RSPO2: variants seen among roughly 807,000 people sequenced by gnomAD.
The protein encoded by RSPO2 is R-spondin-2.
RSPO2 carries 14 observed loss-of-function variants against 30.9 expected under a neutral mutation model. That is an observed-to-expected ratio of 0.45 (90% CI 0.30 to 0.71). The LOEUF is 0.71. RSPO2 is among the 30% of genes least tolerant of loss of function. RSPO2 has a pLI of 0.08. For synonymous variants in RSPO2, 107 were observed against 96.4 expected (o/e 1.11, Z -0.64); for missense variants, 264 against 301.9 (o/e 0.87, Z 0.93).
chr8:108,078,320 A>G (rs1341638278), intron 2 of RSPO2, among the ~76,000 whole-genome samples: 2 of 152,328 alleles, frequency 1.3e-5, no homozygotes, highest in African/African-American at 4.8e-5. Context: ...GAAAGCAGCC[A>G]ATCAAAAAAG....
intron 3 of RSPO2, among the ~76,000 whole-genome samples, chr8:107,982,009 C>CAAAAAAAAAAAAAAAAAAAAAAAA (rs372977834): frequency 1.8e-5 from 1 of 55,376 alleles, no homozygotes; most frequent in African/African-American, 8.0e-5. Context: ...ACAACAACAA[C>CAAAAAAAAAAAAAAAAAAAAAAAA]AAAAAAAAAA....
chr8:108,019,241 C>A (rs1201869970), intron 2 of RSPO2, among the ~76,000 whole-genome samples: 1 of 152,056 alleles, frequency 6.6e-6, no homozygotes. Context: ...CTAATTCCAG[C>A]TACTCAGGAG....
intron 2 of RSPO2, among the ~76,000 whole-genome samples, chr8:108,080,973 G>C (rs1364528679): frequency 6.6e-6 from 1 of 152,206 alleles, no homozygotes; most frequent in Admixed American, 6.5e-5. Flanking sequence ...GGGGAGGAGA[G>C]AGGAGATAAA....
At position 108,057,121 on chromosome 8, in the gene RSPO2, C is replaced by T. The variant is rs1169548625; in HGVS notation, c.94+25424G>A. ...GTATAAAATATAAGGTTATTGATAG[C>T]ATATTAATAATCTTGAAAACTTTTT... is the stretch of plus-strand genomic sequence containing the variant. On this transcript the variant is annotated intron_variant, in intron 2 of 5. Transcript: ENST00000276659. Among the ~76,000 whole-genome samples the T allele has an allele frequency of 9.2e-5, 11 of 119,914 alleles. 1 individual carries two copies. The highest frequency in any genetic ancestry group is 2.9e-4 in the Admixed American group (3 of 10,484). 78.7% of individuals were successfully genotyped at this position (119,914 alleles called of 152,430 possible). A position where few individuals can be genotyped will look rare whatever the true frequency, so the allele number is the denominator to read the frequency against.
intron 2 of RSPO2, among the ~76,000 whole-genome samples, chr8:107,995,211 G>GA (rs1471624721): frequency 1.3e-5 from 2 of 151,950 alleles, no homozygotes; most frequent in Admixed American, 6.6e-5. Flanking sequence ...TCTCTCACTT[G>GA]AAAACCTATC....
intron 2 of RSPO2, among the ~76,000 whole-genome samples, chr8:108,054,382 T>C (rs1320236831): frequency 6.6e-6 from 1 of 152,080 alleles, no homozygotes; most frequent in Admixed American, 6.5e-5. Flanking sequence ...GAGAAAGGGC[T>C]AGATCCCCTG....
intron 3 of RSPO2, among the ~76,000 whole-genome samples, chr8:107,964,725 G>A (rs2130452687): frequency 6.6e-6 from 1 of 152,248 alleles, no homozygotes; most frequent in East Asian, 1.9e-4. Flanking sequence ...CTCCTGTGCA[G>A]TCTCATAGTC....
chr8:108,079,762 T>C (rs1217334348), intron 2 of RSPO2, among the ~76,000 whole-genome samples: 1 of 151,592 alleles, frequency 6.6e-6, no homozygotes, highest in Non-Finnish European at 1.5e-5. Flanking sequence ...CACTGCCACC[T>C]ACTTGTAGCA....
intron 2 of RSPO2, among the ~76,000 whole-genome samples, chr8:108,008,556 C>T (rs56709810): frequency 0.015 from 2,251 of 152,236 alleles, 53 homozygotes; most frequent in African/African-American, 0.052. Flanking sequence ...AATCTCCTCA[C>T]TGTGAATTAT....
chr8:108,069,597 G>A (rs1266587706), intron 2 of RSPO2, among the ~76,000 whole-genome samples: 1 of 152,172 alleles, frequency 6.6e-6, no homozygotes, highest in Non-Finnish European at 1.5e-5. Flanking sequence ...TAGCCATTGA[G>A]ATCTTTTTGT....
At chr8:107,909,144 C>A (rs1381291433) in intron 5 of RSPO2, among the ~76,000 whole-genome samples, 7 of 152,050 alleles carry the variant, frequency 4.6e-5, no homozygotes, top group African/African-American at 1.7e-4. Flanking sequence ...AGATATGAAG[C>A]AACTGAAGCA....
intron 2 of RSPO2, among the ~76,000 whole-genome samples, chr8:108,074,355 C>T (rs555837444): frequency 3.2e-4 from 49 of 152,314 alleles, no homozygotes; most frequent in African/African-American, 1.1e-3. Flanking sequence ...ATTATTCTAA[C>T]ATGTGTTAAA....
At chr8:107,961,969 T>C (rs974821414) in intron 3 of RSPO2, among the ~76,000 whole-genome samples, 9 of 152,174 alleles carry the variant, frequency 5.9e-5, no homozygotes, top group Admixed American at 3.3e-4. Context: ...TAACTACTCT[T>C]CAAGGAAAGT....
intron 2 of RSPO2, among the ~76,000 whole-genome samples, chr8:108,037,199 GA>G (rs1323258893): frequency 3.3e-5 from 5 of 152,132 alleles, no homozygotes; most frequent in South Asian, 2.1e-4. Flanking sequence ...GAATGCAAAG[GA>G]AAAGTTCTTG....
intron 2 of RSPO2, among the ~76,000 whole-genome samples, chr8:108,003,643 A>T (rs113720682): frequency 2.0e-5 from 3 of 152,132 alleles, no homozygotes; most frequent in South Asian, 2.1e-4. Context: ...AGAAGAAATT[A>T]AAAAACAGCA....
At chr8:107,901,506 A>T (rs1811462139) in intron 5 of RSPO2, among the ~76,000 whole-genome samples, 1 of 152,154 alleles carries the variant, frequency 6.6e-6, no homozygotes, top group Admixed American at 6.5e-5. Context: ...ACTTCTAACA[A>T]TGCTACCCTT....
chr8:108,073,104 T>A (rs1226513604), intron 2 of RSPO2: 1 of 152,224 alleles, frequency 6.6e-6, no homozygotes, highest in Non-Finnish European at 1.5e-5. Flanking sequence ...TCAGTTTGCC[T>A]CTTGGTGAGG....
chr8:108,019,765 G>A (rs1278731015), intron 2 of RSPO2, among the ~76,000 whole-genome samples: 2 of 152,150 alleles, frequency 1.3e-5, no homozygotes, highest in Non-Finnish European at 2.9e-5. Context: ...AGAAATAATA[G>A]TGACATTTTT....
intron 2 of RSPO2, among the ~76,000 whole-genome samples, chr8:108,026,552 T>C (rs1811224408): frequency 6.6e-6 from 1 of 152,124 alleles, no homozygotes; most frequent in South Asian, 2.1e-4. Context: ...ATATATAATA[T>C]AGCAAGTATG....
Sources: gnomAD v4.1 joint callset for allele counts (sites outside exome capture counted in the v4.1 genomes callset) on GRCh38, gnomAD v4.1.1 for gene constraint, MANE v1.5 for transcripts, NCBI Gene and HGNC (gene_info 2026-07-23, HGNC 2026-07-21) for gene names.